IRS1: variants seen among roughly 807,000 people sequenced by gnomAD.
IRS1 encodes insulin receptor substrate 1.
A neutral mutation model predicts 65.6 loss-of-function variants in IRS1; 34 were observed. The observed-to-expected ratio is 0.52, with a 90% CI of 0.39 to 0.69. The LOEUF is 0.69. IRS1 is among the 30% of genes least tolerant of loss of function. The pLI is 0.00. For missense variants in IRS1, 1,641 were observed against 1,720.2 expected (o/e 0.95, Z 0.81); for synonymous variants, 699 against 683.5 (o/e 1.02, Z -0.35).
chr2:226,759,188 G>C (rs1938865116), intron 1 of IRS1, among the ~76,000 whole-genome samples: 2 of 152,204 alleles, frequency 1.3e-5, no homozygotes, highest in East Asian at 1.9e-4. Context: ...ATGTGGTTTT[G>C]AAAGACAATT....
chr2:226,775,192 G>A (rs1243532087), intron 1 of IRS1, among the ~76,000 whole-genome samples: 1 of 152,182 alleles, frequency 6.6e-6, no homozygotes, highest in Admixed American at 6.5e-5. Context: ...CAGTAAAAGA[G>A]GTAGGAGAAT....
chr2:226,786,101 C>G (rs1403328090), intron 1 of IRS1, among the ~76,000 whole-genome samples: 3 of 149,072 alleles, frequency 2.0e-5, no homozygotes, highest in Non-Finnish European at 4.4e-5. Flanking sequence ...GCATCGTATT[C>G]CATGGTGTAT....
intron 1 of IRS1, among the ~76,000 whole-genome samples, chr2:226,764,494 GA>G (rs1274561694): frequency 6.6e-6 from 1 of 152,152 alleles, no homozygotes; most frequent in East Asian, 1.9e-4. Context: ...AGGGAGCCAT[GA>G]TCACTTTACC....
At chr2:226,774,109 G>T (rs1939219713) in intron 1 of IRS1, among the ~76,000 whole-genome samples, 1 of 152,144 alleles carries the variant, frequency 6.6e-6, no homozygotes. Flanking sequence ...CGTCCGGAAA[G>T]CACAACAGCC....
rs140103054 is a variant in IRS1 at position 226,799,139 on chromosome 2, AGCGC to A, written c.-405_-402del. On this transcript the variant is annotated 5_prime_UTR_variant, in exon 1 of 2. An upstream open reading frame in the 5' UTR loses its in-frame stop. Transcript: ENST00000305123. The surrounding 1 kb of genome is among the most constrained non-coding windows in gnomAD (Gnocchi z 6.1). ...GGGGTCCCTGCGGTGCCCCTCCAGG[AGCGC>A]GCGCGCGCGCGCGCCTTCCCTCCTG... The A allele has an allele frequency of 1.6e-5, 18 of 1,118,190 alleles. No homozygotes were observed. Among genetic ancestry groups the A allele is most frequent in the South Asian group, 1.2e-4 (5 of 42,614 alleles). 69.3% of individuals were successfully genotyped at this position (1,118,190 alleles called of 1,614,324 possible).
chr2:226,786,873 A>T lies in IRS1; in HGVS notation c.*21+8116T>A, dbSNP rs144851662. Among the ~76,000 whole-genome samples, 820 of 152,174 alleles carry T rather than the reference A, an allele frequency of 5.4e-3. 7 individuals carry two copies. Among genetic ancestry groups the T allele is most frequent in the African/African-American group, 0.018 (740 of 41,548 alleles). ...AAACGTGACTGCATATCATCAAAAC[A>T]GAGGGAGAAAAATCTCAAAAGCAAT... On this transcript the variant is annotated intron_variant, in intron 1 of 1. Coordinates refer to ENST00000305123, the MANE Select transcript of IRS1 (RefSeq NM_005544.3).
intron 1 of IRS1, among the ~76,000 whole-genome samples, chr2:226,765,558 C>A (rs1939016249): frequency 6.6e-6 from 1 of 152,134 alleles, no homozygotes; most frequent in Admixed American, 6.5e-5. Flanking sequence ...CTAAAACAAC[C>A]CCATGAGCAC....
At chr2:226,784,088 AC>A (rs542161119) in intron 1 of IRS1, among the ~76,000 whole-genome samples, 206 of 152,136 alleles carry the variant, frequency 1.4e-3, no homozygotes, top group African/African-American at 4.7e-3. Flanking sequence ...AAGCAGAAGA[AC>A]TGCCCAGCTG....
chr2:226,736,624 T>C (rs993217525), intron 1 of IRS1, among the ~76,000 whole-genome samples: 13 of 151,088 alleles, frequency 8.6e-5, no homozygotes. Flanking sequence ...AGTCAGTCTG[T>C]GTTGTATCTC....
chr2:226,782,703 A>G (rs925347867), intron 1 of IRS1, among the ~76,000 whole-genome samples: 1 of 152,234 alleles, frequency 6.6e-6, no homozygotes, highest in Admixed American at 6.5e-5. Flanking sequence ...GAGGACTGTT[A>G]CAAAGTGTAA....
At chr2:226,761,100 C>T (rs1938906891) in intron 1 of IRS1, among the ~76,000 whole-genome samples, 1 of 152,208 alleles carries the variant, frequency 6.6e-6, no homozygotes, top group Non-Finnish European at 1.5e-5. Flanking sequence ...TTGCAGGGTT[C>T]ACTGCCAGCT....
chr2:226,745,821 C>T (rs1278356558), intron 1 of IRS1, among the ~76,000 whole-genome samples: 1 of 152,142 alleles, frequency 6.6e-6, no homozygotes, highest in African/African-American at 2.4e-5. Context: ...AGGATGAATC[C>T]ACCAACCAAA....
intron 1 of IRS1, among the ~76,000 whole-genome samples, chr2:226,787,007 T>G (rs551112064): frequency 1.3e-5 from 2 of 152,154 alleles, no homozygotes; most frequent in Middle Eastern, 6.8e-3. Flanking sequence ...AAAAAGTCCT[T>G]GAATAACAAA....
At chr2:226,750,045 T>C (rs1938642755) in intron 1 of IRS1, among the ~76,000 whole-genome samples, 1 of 151,238 alleles carries the variant, frequency 6.6e-6, no homozygotes, top group Non-Finnish European at 1.5e-5. Context: ...AGGTCAGGAG[T>C]TCAAGACCAG....
At position 226,796,712 on chromosome 2, in the gene IRS1, C is replaced by T. The variant is rs577419348; in HGVS notation, c.2027G>A (p.Gly676Glu). The change falls in exon 1 of 2, where the codon GGA (glycine) becomes GAA (glutamate). Residue 676 changes from glycine (G) to glutamate (E), a missense_variant. Physicochemically the swap from Gly to Glu is moderately conservative, Grantham distance 98. Transcript: ENST00000305123. ...SPSGGCSPDIGGGPSSSSSSS... is the reference protein window; with the variant it reads ...SPSGGCSPDIEGGPSSSSSSS... ...GCTGCTGCTGCTGCTGGGGCCACCT[C>T]CAATGTCAGGAGAGCAGCCACCGCT... 9.3e-6 allele frequency: 15 copies of T among 1,613,640 alleles called. 1 individual carries two copies. The East Asian group carries it at 2.5e-4, about 26-fold the overall frequency.
chr2:226,747,875 G>A (rs1938580902), intron 1 of IRS1, among the ~76,000 whole-genome samples: 1 of 152,158 alleles, frequency 6.6e-6, no homozygotes, highest in Non-Finnish European at 1.5e-5. Context: ...AACCAGGAAA[G>A]GGGTTGGGGA....
At chr2:226,747,765 C>T (rs544297432) in intron 1 of IRS1, among the ~76,000 whole-genome samples, 2 of 152,228 alleles carry the variant, frequency 1.3e-5, no homozygotes, top group Admixed American at 6.5e-5. Context: ...CCAAGCATTT[C>T]ACTAAATCTC....
At chr2:226,793,259 C>T (rs1373035159) in intron 1 of IRS1, among the ~76,000 whole-genome samples, 1 of 152,198 alleles carries the variant, frequency 6.6e-6, no homozygotes, top group Non-Finnish European at 1.5e-5. Context: ...TTCTCTTTAT[C>T]TCCTTTAAAA....
intron 1 of IRS1, among the ~76,000 whole-genome samples, chr2:226,755,057 C>T (rs1252135340): frequency 1.3e-5 from 2 of 152,104 alleles, no homozygotes; most frequent in African/African-American, 2.4e-5. Flanking sequence ...AATAGAAACC[C>T]TTTTAGCTCT....
Sources: gnomAD v4.1 joint callset for allele counts (sites outside exome capture counted in the v4.1 genomes callset) on GRCh38, gnomAD v4.1.1 for gene constraint, Gnocchi (gnomAD v3.1) non-coding constraint, MANE v1.5 for transcripts, NCBI Gene and HGNC (gene_info 2026-07-23, HGNC 2026-07-21) for gene names.